Variants in METTL9 observed in about 807,000 individuals in gnomAD.
METTL9 encodes the protein protein-L-histidine N-pros-methyltransferase.
In METTL9, 10 loss-of-function variants were observed where a neutral mutation model predicts 36.0. That is an observed-to-expected ratio of 0.28 (90% confidence interval 0.17 to 0.47). METTL9 has a LOEUF of 0.47. METTL9 is among the 20% of genes least tolerant of loss of function. METTL9 has a pLI of 0.99. For missense variants in METTL9, 246 were observed against 383.5 expected (o/e 0.64, Z 3.00); for synonymous variants, 175 against 149.7 (o/e 1.17, Z -1.23).
At chr16:21,627,323 G>C in intron 4 of METTL9, 6 of 985,120 alleles carry the variant, frequency 6.1e-6, no homozygotes, top group Non-Finnish European at 7.2e-6. Context: ...AGTAGTTGTA[G>C]GTGAAATGAT....
At chr16:21,613,864 A>T (rs1030626674) in intron 2 of METTL9, among the ~76,000 whole-genome samples, 3 of 144,024 alleles carry the variant, frequency 2.1e-5, no homozygotes, top group Non-Finnish European at 4.5e-5. Context: ...TTTCTTGGCC[A>T]TGTTTTCAAG....
intron 2 of METTL9, among the ~76,000 whole-genome samples, chr16:21,613,635 G>A (rs756938075): frequency 1.4e-4 from 22 of 152,066 alleles, no homozygotes; most frequent in Non-Finnish European, 2.4e-4. Flanking sequence ...AACATACTTC[G>A]CAGTGGCAAA....
chr16:21,621,811 T>C (rs1206224746), intron 3 of METTL9, among the ~76,000 whole-genome samples: 1 of 152,150 alleles, frequency 6.6e-6, no homozygotes, highest in East Asian at 1.9e-4. Flanking sequence ...TTAGGAATTA[T>C]CAAAATACAG....
chr16:21,622,162 T>TTTTTA (rs71151646), intron 3 of METTL9, among the ~76,000 whole-genome samples: 1 of 135,986 alleles, frequency 7.4e-6, no homozygotes, highest in Non-Finnish European at 1.6e-5. Flanking sequence ...TTTTTTTTTT[T>TTTTTA]GAGACAGGAT....
At chr16:21,647,106 C>T (rs1567346796) in intron 4 of METTL9, 1 of 1,613,968 alleles carries the variant, frequency 6.2e-7, no homozygotes, top group East Asian at 2.2e-5. Context: ...TGCAATGATG[C>T]ACTGAAATAA....
intron 4 of METTL9, chr16:21,642,947 C>T: frequency 1.7e-6 from 1 of 595,784 alleles, no homozygotes. Flanking sequence ...AAAATACATT[C>T]TTGTGAAAGT....
intron 4 of METTL9, 83 bp from the exon 5 acceptor site, chr16:21,655,144 T>A: frequency 7.9e-7 from 1 of 1,268,450 alleles, no homozygotes; most frequent in Non-Finnish European, 1.1e-6. Flanking sequence ...ACCAAGTCCT[T>A]GGTAGATATG....
intron 4 of METTL9, among the ~76,000 whole-genome samples, chr16:21,636,595 A>C (rs891208664): frequency 1.3e-5 from 2 of 152,156 alleles, no homozygotes; most frequent in South Asian, 4.1e-4. Context: ...CGCAGGGTCA[A>C]CCAACTTCTT....
chr16:21,655,046 G>C, intron 4 of METTL9, 181 bp from the exon 5 acceptor site: 2 of 613,564 alleles, frequency 3.3e-6, no homozygotes, highest in African/African-American at 1.9e-5. Flanking sequence ...CACCCCTTCT[G>C]AGTCTGTTCT....
chr16:21,648,050 TG>T (rs1037142528), intron 4 of METTL9, among the ~76,000 whole-genome samples: 3 of 152,112 alleles, frequency 2.0e-5, no homozygotes, highest in Admixed American at 2.0e-4. Context: ...GGTGTCCCTT[TG>T]GGAAACATGA....
chr16:21,613,742 A>C (rs1479590402), intron 2 of METTL9, among the ~76,000 whole-genome samples: 1 of 152,044 alleles, frequency 6.6e-6, no homozygotes, highest in African/African-American at 2.4e-5. Flanking sequence ...GTCTAGGTTC[A>C]CCAGAATTTT....
At chr16:21,639,941 A>ATTTG (rs1966204854) in intron 4 of METTL9, 1 of 151,908 alleles carries the variant, frequency 6.6e-6, no homozygotes, top group Non-Finnish European at 1.5e-5. Flanking sequence ...TTATTTATTT[A>ATTTG]TTTATTTATT....
At chr16:21,623,869 C>G (rs558248461) in intron 3 of METTL9, among the ~76,000 whole-genome samples, 2 of 152,246 alleles carry the variant, frequency 1.3e-5, no homozygotes, top group South Asian at 2.1e-4. Context: ...CTCCCTGATT[C>G]AAGCGATTCT....
intron 3 of METTL9, among the ~76,000 whole-genome samples, chr16:21,621,359 C>T (rs1323477909): frequency 2.0e-5 from 3 of 151,624 alleles, no homozygotes; most frequent in Non-Finnish European, 4.4e-5. Flanking sequence ...CAAAGTCTCG[C>T]TCCATCACCA....
intron 2 of METTL9, among the ~76,000 whole-genome samples, chr16:21,617,224 C>T (rs534223739): frequency 5.2e-4 from 79 of 150,496 alleles, no homozygotes; most frequent in South Asian, 1.0e-3. Context: ...CGAGACCATC[C>T]TGGCTAACAT....
intron 3 of METTL9, among the ~76,000 whole-genome samples, chr16:21,619,393 G>T (rs1033384846): frequency 6.7e-6 from 1 of 149,356 alleles, no homozygotes. Context: ...TGGTTTTAAG[G>T]TCATCTGGAG....
chr16:21,610,299 TCATC>T (rs1490540508), intron 1 of METTL9, among the ~76,000 whole-genome samples: 4 of 152,250 alleles, frequency 2.6e-5, no homozygotes, highest in Non-Finnish European at 5.9e-5. Context: ...TTGTCAAGGT[TCATC>T]CATGCTGGAG....
At position 21,655,669 on chromosome 16, in the gene METTL9, C is replaced by T; in HGVS notation, c.*237C>T. ...TATCAACTCTTTACTCAGAGCCACT[C>T]TCCAATGCAGGTCACACTCCAATTA... is the stretch of plus-strand genomic sequence containing the variant. On this transcript the variant is annotated 3_prime_UTR_variant, in exon 5 of 5. Transcript: ENST00000358154. The T allele has an allele frequency of 2.1e-6, 1 of 466,892 alleles. No homozygotes were observed. Among genetic ancestry groups the T allele is most frequent in the Non-Finnish European group, 3.8e-6 (1 of 263,706 alleles). 28.9% of individuals were successfully genotyped at this position (466,892 alleles called of 1,614,324 possible).
intron 4 of METTL9, chr16:21,643,216 A>C: frequency 7.8e-7 from 1 of 1,284,432 alleles, no homozygotes; most frequent in South Asian, 1.2e-5. Flanking sequence ...ATAACGACGC[A>C]TCATCAGAAC....
Sources: allele counts gnomAD v4.1 joint callset (sites outside exome capture counted in the v4.1 genomes callset), GRCh38; gene constraint gnomAD v4.1.1; transcripts MANE v1.5; gene names NCBI Gene and HGNC (gene_info 2026-07-23, HGNC 2026-07-21).